FBN1: variants seen among roughly 807,000 people sequenced by gnomAD.
FBN1 encodes the protein fibrillin-1.
A neutral mutation model predicts 365.1 loss-of-function variants in FBN1; 29 were observed. The observed-to-expected ratio is 0.08, with a 90% confidence interval of 0.06 to 0.11. The LOEUF is 0.11. Ranked by LOEUF, FBN1 falls within the 10% of genes least tolerant of loss-of-function variation. The pLI is 1.00. For synonymous variants in FBN1, 1,210 were observed against 1,270.5 expected, an observed-to-expected ratio of 0.95 and a Z score of 1.01; for missense variants, 2,476 against 3,703.2, an observed-to-expected ratio of 0.67 and a Z score of 8.60.
intron 24 of FBN1, 119 bp downstream of exon 24, chr15:48,492,342 G>T: frequency 1.0e-6 from 1 of 966,378 alleles, no homozygotes; most frequent in Non-Finnish European, 1.6e-6. Context: ...TATCGGACAT[G>T]CTGAATTTTG....
intron 27 of FBN1, among the ~76,000 whole-genome samples, chr15:48,487,866 C>T (rs1006200105): frequency 1.3e-5 from 2 of 152,202 alleles, no homozygotes; most frequent in East Asian, 3.9e-4. Context: ...CTCTCTTCCG[C>T]CTGGGTATCC....
chr15:48,436,129 T>C (rs1221588811), intron 53 of FBN1, among the ~76,000 whole-genome samples: 1 of 152,164 alleles, frequency 6.6e-6, no homozygotes, highest in Non-Finnish European at 1.5e-5. Context: ...TACTATAATA[T>C]TCAATTACTG....
At chr15:48,443,982 T>A (rs1030292369) in intron 49 of FBN1, among the ~76,000 whole-genome samples, 5 of 152,302 alleles carry the variant, frequency 3.3e-5, no homozygotes, top group African/African-American at 1.2e-4. Context: ...CAGTGAGCTA[T>A]ACTCGTGCCA....
intron 6 of FBN1, among the ~76,000 whole-genome samples, chr15:48,550,916 A>T (rs746752159): frequency 2.0e-5 from 3 of 152,120 alleles, no homozygotes; most frequent in Non-Finnish European, 4.4e-5. Context: ...TTGCATCTCC[A>T]TGGCCTAGAA....
intron 13 of FBN1, among the ~76,000 whole-genome samples, chr15:48,511,606 T>C (rs905236152): frequency 1.3e-5 from 2 of 152,262 alleles, no homozygotes; most frequent in African/African-American, 4.8e-5. Flanking sequence ...CCCATCCTTC[T>C]ATCCCCTTCT....
chr15:48,410,874 C>T lies in FBN1; in HGVS notation c.*116G>A. 1 of 1,082,572 alleles carries T rather than the reference C, an allele frequency of 9.2e-7. No homozygotes were observed. The allele number at this position is 1,082,572 out of a possible 1,614,324, so 67.1% of individuals were successfully genotyped here. A position where few individuals can be genotyped will look rare whatever the true frequency, so the allele number is the denominator to read the frequency against. On this transcript the variant is annotated 3_prime_UTR_variant, in exon 66 of 66. Coordinates refer to ENST00000316623, the MANE Select transcript of FBN1 (RefSeq NM_000138.5). ...ATACAAAGAATAGTGCTTATTTATA[C>T]AAATTTACTTGGTGAAAGATTGTAC...
rs746652337 is a variant in FBN1, at chr15:48,510,181, G to A, written c.1589-12C>T. 3 of 1,612,212 alleles carry A rather than the reference G, an allele frequency of 1.9e-6. No individual in the cohort carries two copies. Among genetic ancestry groups the A allele is most frequent in the Middle Eastern group, 1.7e-4 (1 of 6,058 alleles). ...ACACTCATCAATGTCTAAAATCAAA[G>A]TTTAAAAAGAAGAAATAGCTTTATT... On this transcript the variant is annotated splice_polypyrimidine_tract_variant and intron_variant, in intron 13 of 65. Coordinates refer to ENST00000316623, the MANE Select transcript of FBN1 (RefSeq NM_000138.5).
chr15:48,580,456 T>C (rs1455464804), intron 6 of FBN1, among the ~76,000 whole-genome samples: 2 of 152,148 alleles, frequency 1.3e-5, no homozygotes, highest in African/African-American at 2.4e-5. Context: ...AGCCAAGTAT[T>C]ATCTTCTGCT....
chr15:48,531,380 G>A (rs2043971771), intron 8 of FBN1, among the ~76,000 whole-genome samples: 1 of 152,098 alleles, frequency 6.6e-6, no homozygotes, highest in African/African-American at 2.4e-5. Flanking sequence ...CTGAGAGCGT[G>A]AGGGTTAGCA....
At chr15:48,454,343 T>G (rs993756864) in intron 44 of FBN1, among the ~76,000 whole-genome samples, 2 of 152,208 alleles carry the variant, frequency 1.3e-5, no homozygotes, top group Non-Finnish European at 2.9e-5. Flanking sequence ...ATAAAACTAC[T>G]GAAAACAAAC....
Position 48,600,310 on chromosome 15 carries a change from T to C in FBN1, c.347-76A>G, listed in dbSNP as rs550712830. 3.7e-5 allele frequency: 39 copies of C among 1,067,688 alleles called. No homozygotes were observed. The African/African-American group carries it at 5.6e-4, about 15-fold the overall frequency. The allele number at this position is 1,067,688 out of a possible 1,614,324, so 66.1% of individuals were successfully genotyped here. A position where few individuals can be genotyped will look rare whatever the true frequency, so the allele number is the denominator to read the frequency against. On this transcript the variant is annotated intron_variant, in intron 4 of 65. Coordinates refer to ENST00000316623, the MANE Select transcript of FBN1 (RefSeq NM_000138.5). Reference sequence around the variant, plus strand: ...GCAACAGCTCACAGGAGTTGATTTGTAGTTATTTGAAGAGAAAATCAAATA... The same window carrying C: ...GCAACAGCTCACAGGAGTTGATTTGCAGTTATTTGAAGAGAAAATCAAATA...
At chr15:48,464,104 A>C (rs1176515482) in intron 40 of FBN1, 83 bp from the exon 41 acceptor site, 11 of 1,331,400 alleles carry the variant, frequency 8.3e-6, no homozygotes, top group Non-Finnish European at 1.2e-5. Context: ...TGTTGACATT[A>C]GAGGAGAAAA....
chr15:48,620,814 T>A (rs2140749461), intron 2 of FBN1, among the ~76,000 whole-genome samples: 1 of 152,262 alleles, frequency 6.6e-6, no homozygotes, highest in Non-Finnish European at 1.5e-5. Flanking sequence ...AATGCCTAGA[T>A]CTTGGTTGCT....
intron 2 of FBN1, among the ~76,000 whole-genome samples, chr15:48,639,749 C>T (rs534902949): frequency 6.6e-6 from 1 of 152,198 alleles, no homozygotes; most frequent in East Asian, 1.9e-4. Context: ...TTATTGATGT[C>T]GGTTTCTTCA....
chr15:48,534,007 C>A, intron 8 of FBN1, 73 bp downstream of exon 8: 1 of 1,597,624 alleles, frequency 6.3e-7, no homozygotes, highest in Non-Finnish European at 8.6e-7. Flanking sequence ...AATTTGCAAA[C>A]AAGCTTGTTT....
chr15:48,600,178 G>C lies in FBN1; in HGVS notation c.403C>G (p.Leu135Val). The C allele has an allele frequency of 6.2e-7, 1 of 1,613,508 alleles. No homozygotes were observed. The highest frequency in any genetic ancestry group is 8.5e-7 in the Non-Finnish European group (1 of 1,179,580). The change falls in exon 5 of 66, where the codon CTA (leucine) becomes GTA (valine). Residue 135 changes from leucine to valine, a missense_variant. This residue lies in a region of FBN1 where 421 missense variants were observed against 520.1 expected (regional missense o/e 0.81). Transcript: ENST00000316623. The stretch of plus-strand genomic sequence containing the variant: ...GTCCCTATGTATCCTTTCTGGCATA[G>C]ACAGTGATCGTCACTGCAGCTACCT... ...NGGSCSDDHCLCQKGYIGTHC... is the reference protein window; with the variant it reads ...NGGSCSDDHCVCQKGYIGTHC...
At chr15:48,551,507 CTTT>C (rs773123577) in intron 6 of FBN1, among the ~76,000 whole-genome samples, 1 of 138,954 alleles carries the variant, frequency 7.2e-6, no homozygotes. Flanking sequence ...AGACCTTGTT[CTTT>C]TTTTTTTTTT....
rs542604752 is a variant in FBN1, at chr15:48,452,137, G to C, written c.5545+425C>G. On this transcript the variant is annotated intron_variant, in intron 45 of 65. Transcript: ENST00000316623. ...CAGGAGAGCTTCACTGTCTAGATTT[G>C]GGGTATGCAGCCAAGATGGTGAAAA... 2.0e-5 allele frequency among the ~76,000 whole-genome samples: 3 copies of C among 152,272 alleles called. No individual in the cohort carries two copies. In the South Asian group the frequency reaches 6.2e-4, roughly 32 times the overall value.
intron 50 of FBN1, among the ~76,000 whole-genome samples, chr15:48,439,958 T>C (rs980467596): frequency 3.3e-5 from 5 of 152,234 alleles, no homozygotes; most frequent in African/African-American, 1.2e-4. Context: ...AATTTTCTCA[T>C]TTCATGAGCA....
Sources: gnomAD v4.1 joint callset for allele counts (sites outside exome capture counted in the v4.1 genomes callset) on GRCh38, gnomAD v4.1.1 for gene constraint, gnomAD v4.1.1 regional missense constraint, MANE v1.5 for transcripts, NCBI Gene and HGNC (gene_info 2026-07-23, HGNC 2026-07-21) for gene names.